The following NECAB1 variants were observed in gnomAD, a reference collection of about 807,000 sequenced individuals.
The protein encoded by NECAB1 is N-terminal EF-hand calcium-binding protein 1.
In NECAB1, 29 loss-of-function variants were observed where a neutral mutation model predicts 57.5. That is an observed-to-expected ratio of 0.50 (90% CI 0.38 to 0.69). NECAB1 has a LOEUF of 0.69. Among genes scored for constraint, NECAB1 ranks in the 30% least tolerant of loss-of-function variants. The pLI, the probability that NECAB1 is intolerant of heterozygous loss-of-function variation, is 0.00. For missense variants in NECAB1, 372 were observed against 413.8 expected (o/e 0.90, Z 0.88); for synonymous variants, 142 against 147.7 (o/e 0.96, Z 0.28).
At chr8:90,863,303 A>G (rs948739984) in intron 3 of NECAB1, among the ~76,000 whole-genome samples, 1 of 152,146 alleles carries the variant, frequency 6.6e-6, no homozygotes, top group African/African-American at 2.4e-5. Flanking sequence ...AAGATCAAGC[A>G]TGCATTTTAT....
At chr8:90,945,285 C>T (rs1316679597) in intron 10 of NECAB1, among the ~76,000 whole-genome samples, 1 of 152,092 alleles carries the variant, frequency 6.6e-6, no homozygotes, top group Non-Finnish European at 1.5e-5. Context: ...CCAGGCTGGT[C>T]GCGAACCTCC....
intron 10 of NECAB1, among the ~76,000 whole-genome samples, chr8:90,943,115 G>C (rs183440039): frequency 9.2e-5 from 14 of 152,138 alleles, no homozygotes; most frequent in Non-Finnish European, 2.1e-4. Context: ...AAATGACCTC[G>C]AGCTACTAGA....
chr8:90,817,782 GT>G (rs1812082608), intron 2 of NECAB1, among the ~76,000 whole-genome samples: 1 of 151,638 alleles, frequency 6.6e-6, no homozygotes, highest in Non-Finnish European at 1.5e-5. Flanking sequence ...TTTTTGTAAT[GT>G]TTTTATTTGG....
Position 90,905,761 on chromosome 8 carries a change from C to T in NECAB1, c.358-11731C>T, listed in dbSNP as rs148892590. Among the ~76,000 whole-genome samples, 39 of 152,248 alleles carry T rather than the reference C, an allele frequency of 2.6e-4. 1 individual carries two copies. In the East Asian group the frequency reaches 7.1e-3, roughly 28 times the overall value. On this transcript the variant is annotated intron_variant, in intron 5 of 12. Transcript: ENST00000417640. ...TCCTTATATGTAAGTTAAATACTCTCGTTCTCTTCTCTGTCACTTCTATTT... is the reference window on the plus strand; with the variant it reads ...TCCTTATATGTAAGTTAAATACTCTTGTTCTCTTCTCTGTCACTTCTATTT...
intron 3 of NECAB1, among the ~76,000 whole-genome samples, chr8:90,858,570 C>T (rs984712554): frequency 6.6e-6 from 1 of 151,118 alleles, no homozygotes; most frequent in East Asian, 1.9e-4. Context: ...GAATAAATTA[C>T]TTCTTATGGT....
intron 9 of NECAB1, among the ~76,000 whole-genome samples, chr8:90,934,767 C>T (rs140159969): frequency 1.9e-4 from 29 of 152,150 alleles, no homozygotes; most frequent in African/African-American, 6.7e-4. Flanking sequence ...TAGGGCCAGG[C>T]ACATTGAAAA....
intron 3 of NECAB1, among the ~76,000 whole-genome samples, chr8:90,844,657 C>T (rs1812522780): frequency 6.6e-6 from 1 of 152,190 alleles, no homozygotes; most frequent in Admixed American, 6.5e-5. Context: ...CAGGGGAAAA[C>T]AGCATAGATA....
intron 5 of NECAB1, among the ~76,000 whole-genome samples, chr8:90,890,485 G>A (rs1809134308): frequency 6.6e-6 from 1 of 152,058 alleles, no homozygotes; most frequent in African/African-American, 2.4e-5. Flanking sequence ...TGTGAGAACA[G>A]ACTAATACAG....
intron 5 of NECAB1, among the ~76,000 whole-genome samples, chr8:90,888,103 T>G (rs544691247): frequency 6.6e-6 from 1 of 152,316 alleles, no homozygotes; most frequent in South Asian, 2.1e-4. Flanking sequence ...TATTTTTATT[T>G]TGTTTCACGT....
chr8:90,887,781 G>A (rs1809042854), intron 5 of NECAB1, among the ~76,000 whole-genome samples: 1 of 152,174 alleles, frequency 6.6e-6, no homozygotes. Context: ...AAGAGGCTGT[G>A]GTTTACAGAT....
chr8:90,879,851 G>T (rs1808805621), intron 4 of NECAB1, among the ~76,000 whole-genome samples: 1 of 152,108 alleles, frequency 6.6e-6, no homozygotes, highest in Non-Finnish European at 1.5e-5. Flanking sequence ...ATCTTTATAA[G>T]AGATAGTTTA....
At chr8:90,899,257 T>C (rs1809439780) in intron 5 of NECAB1, among the ~76,000 whole-genome samples, 1 of 152,258 alleles carries the variant, frequency 6.6e-6, no homozygotes, top group African/African-American at 2.4e-5. Flanking sequence ...GATGGGTAGT[T>C]AAGCATACTT....
chr8:90,913,021 C>T (rs1001595293), intron 5 of NECAB1, among the ~76,000 whole-genome samples: 2 of 152,176 alleles, frequency 1.3e-5, no homozygotes, highest in African/African-American at 4.8e-5. Flanking sequence ...AACAAGAATA[C>T]ACTAACCCTA....
intron 5 of NECAB1, among the ~76,000 whole-genome samples, chr8:90,895,578 T>C (rs750606820): frequency 6.6e-6 from 1 of 152,226 alleles, no homozygotes; most frequent in Non-Finnish European, 1.5e-5. Context: ...AATCAAATAA[T>C]ATAATAACAG....
intron 1 of NECAB1, 54 bp from the exon 2 acceptor site, chr8:90,801,637 C>T (rs760892550): frequency 6.0e-5 from 66 of 1,093,254 alleles, no homozygotes; most frequent in African/African-American, 1.4e-4. Flanking sequence ...GTGTAACGTT[C>T]GTTGCAATAT....
intron 3 of NECAB1, among the ~76,000 whole-genome samples, chr8:90,851,766 C>T (rs1812688309): frequency 6.6e-6 from 1 of 152,162 alleles, no homozygotes; most frequent in East Asian, 1.9e-4. Context: ...GATGAACTTA[C>T]ATTGACACAT....
intron 2 of NECAB1, among the ~76,000 whole-genome samples, chr8:90,810,730 T>C (rs1811945078): frequency 6.6e-6 from 1 of 152,208 alleles, no homozygotes; most frequent in Admixed American, 6.5e-5. Flanking sequence ...AATTTTACGT[T>C]ACTAGGAAAA....
At position 90,826,944 on chromosome 8, in the gene NECAB1, T is replaced by A. The variant is rs577101376; in HGVS notation, c.233+2119T>A. On this transcript the variant is annotated intron_variant, in intron 3 of 12. Transcript: ENST00000417640. ...AGTAACAGGTGTTTTCTGATCATAATGATGTTCAACTTTAATTTGGAGCTA... is the reference window on the plus strand; with the variant it reads ...AGTAACAGGTGTTTTCTGATCATAAAGATGTTCAACTTTAATTTGGAGCTA... 1.2e-4 allele frequency among the ~76,000 whole-genome samples: 19 copies of A among 152,024 alleles called. No homozygotes were observed. The South Asian group carries it at 3.9e-3, about 32-fold the overall frequency.
chr8:90,959,080 T>A lies in NECAB1; in HGVS notation c.*3568T>A, dbSNP rs913583110. The A allele has an allele frequency of 3.4e-6, 3 of 881,214 alleles. No individual in the cohort carries two copies. The African/African-American group carries it at 5.2e-5, about 15-fold the overall frequency. The allele number at this position is 881,214 out of a possible 1,614,324, so 54.6% of individuals were successfully genotyped here. On this transcript the variant is annotated 3_prime_UTR_variant, in exon 13 of 13. Transcript: ENST00000417640. The stretch of plus-strand genomic sequence containing the variant: ...TTTATCAATTGATTGAATACAGTTT[T>A]TACTAATTAGTTTATCAAACCAAAT...
Sources: allele counts gnomAD v4.1 joint callset (sites outside exome capture counted in the v4.1 genomes callset), GRCh38; gene constraint gnomAD v4.1.1; transcripts MANE v1.5; gene names NCBI Gene and HGNC (gene_info 2026-07-23, HGNC 2026-07-21).